The following CEP350 variants were observed in gnomAD, a reference collection of about 807,000 sequenced individuals.
CEP350 encodes centrosome-associated protein 350.
CEP350 carries 126 observed loss-of-function variants against 331.8 expected under a neutral mutation model. The observed-to-expected ratio is 0.38, with a 90% CI of 0.33 to 0.44. The LOEUF (loss-of-function observed/expected upper bound fraction) is 0.44. Ranked by LOEUF, CEP350 falls within the 20% of genes least tolerant of loss-of-function variation. The pLI is 1.00. For synonymous variants in CEP350, 1,200 were observed against 1,259.5 expected, an observed-to-expected ratio of 0.95 and a Z score of 1.00; for missense variants, 3,406 against 3,634.6, an observed-to-expected ratio of 0.94 and a Z score of 1.62.
chr1:179,998,312 T>TC (rs1653618098), intron 6 of CEP350, among the ~76,000 whole-genome samples: 1 of 143,142 alleles, frequency 7.0e-6, no homozygotes, highest in African/African-American at 2.8e-5. Context: ...TCTTTTTTTT[T>TC]TTTTTTTTTT....
chr1:180,105,094 C>G (rs1661070117), intron 37 of CEP350, among the ~76,000 whole-genome samples: 2 of 151,776 alleles, frequency 1.3e-5, no homozygotes, highest in African/African-American at 4.8e-5. Context: ...AAGGTTTTAC[C>G]TCATCCATGC....
At chr1:180,043,954 G>A (rs182166499) in intron 20 of CEP350, 97 bp from the exon 21 acceptor site, 2 of 1,049,254 alleles carry the variant, frequency 1.9e-6, no homozygotes, top group African/African-American at 1.6e-5. Flanking sequence ...ATATCTATTT[G>A]TTCAAGATTT....
intron 37 of CEP350, among the ~76,000 whole-genome samples, chr1:180,104,654 C>T (rs1661042974): frequency 6.6e-6 from 1 of 152,148 alleles, no homozygotes; most frequent in African/African-American, 2.4e-5. Context: ...TTCTCAGTCT[C>T]CCGCTCTTTA....
intron 31 of CEP350, chr1:180,085,514 C>T (rs1355861929): frequency 6.7e-6 from 1 of 150,316 alleles, no homozygotes; most frequent in Non-Finnish European, 1.5e-5. Context: ...CTCTGTTACA[C>T]ACATTCTGTT....
chr1:180,044,076 C>G lies in CEP350; in HGVS notation c.4525C>G (p.Gln1509Glu), dbSNP rs1219871966. The part of the protein sequence containing the change: ...DRKSPSVSLS[Q>E]SKEGTLDSKH... ...GAAAAGTCCATCTGTTTCACTCTCT[C>G]AGAGTAAAGAAGGGACCCTTGACTC... Residue 1509 changes from glutamine to glutamate, a missense_variant, in exon 21 of 38, where the codon CAG becomes GAG. Transcript: ENST00000367607. 2 of 1,551,310 alleles carry G rather than the reference C, an allele frequency of 1.3e-6. No individual in the cohort carries two copies. The highest frequency in any genetic ancestry group is 4.8e-5 in the East Asian group (2 of 41,712).
intron 1 of CEP350, among the ~76,000 whole-genome samples, chr1:179,974,591 C>T (rs1292103373): frequency 6.6e-6 from 1 of 152,150 alleles, no homozygotes; most frequent in Non-Finnish European, 1.5e-5. Context: ...GTGTGTCTCT[C>T]CTCTACTTGA....
At chr1:180,092,170 A>G (rs1310952670) in intron 33 of CEP350, among the ~76,000 whole-genome samples, 4 of 152,174 alleles carry the variant, frequency 2.6e-5, no homozygotes, top group Non-Finnish European at 4.4e-5. Flanking sequence ...TAGTTGATCT[A>G]TTTTCTTTTT....
At chr1:180,018,883 G>A (rs558130609) in intron 11 of CEP350, among the ~76,000 whole-genome samples, 1 of 135,474 alleles carries the variant, frequency 7.4e-6, no homozygotes, top group African/African-American at 2.7e-5. Context: ...TTCTGAGACA[G>A]TCTTACTGTG....
At chr1:180,105,882 A>G (rs928381513) in intron 37 of CEP350, among the ~76,000 whole-genome samples, 1 of 152,196 alleles carries the variant, frequency 6.6e-6, no homozygotes, top group Non-Finnish European at 1.5e-5. Context: ...CAATCTAACT[A>G]TATTTGTGTC....
At chr1:180,030,892 A>G (rs1245399037) in intron 14 of CEP350, among the ~76,000 whole-genome samples, 1 of 152,106 alleles carries the variant, frequency 6.6e-6, no homozygotes, top group East Asian at 1.9e-4. Context: ...TATTTTTATA[A>G]ATCAGGCTAC....
intron 31 of CEP350, 43 bp downstream of exon 31, chr1:180,084,221 G>A: frequency 6.8e-7 from 1 of 1,460,862 alleles, no homozygotes; most frequent in Non-Finnish European, 9.1e-7. Flanking sequence ...AGGCTAATGT[G>A]TATGTGACGT....
intron 33 of CEP350, among the ~76,000 whole-genome samples, chr1:180,091,784 C>G (rs1454140427): frequency 6.6e-6 from 1 of 151,210 alleles, no homozygotes; most frequent in Non-Finnish European, 1.5e-5. Context: ...GAGTTGTGAT[C>G]AGCCACTGCA....
At chr1:180,028,077 A>G (rs1468039389) in intron 14 of CEP350, among the ~76,000 whole-genome samples, 1 of 152,248 alleles carries the variant, frequency 6.6e-6, no homozygotes, top group Admixed American at 6.5e-5. Flanking sequence ...CTTGTGAAAT[A>G]CAAGTTTAGT....
chr1:180,057,337 G>T lies in CEP350; in HGVS notation c.5262+2835G>T, dbSNP rs550916524. 4.6e-5 allele frequency among the ~76,000 whole-genome samples: 7 copies of T among 151,884 alleles called. No homozygotes were observed. In the South Asian group the frequency reaches 1.5e-3, roughly 32 times the overall value. ...GCTGGTCTCGAGCCCCTGACCTCAG[G>T]TGATCCACCCACCTTGGCTTCCCAA... On this transcript the variant is annotated intron_variant, in intron 25 of 37. Transcript: ENST00000367607.
chr1:179,971,833 T>C (rs996340872), intron 1 of CEP350, among the ~76,000 whole-genome samples: 1 of 152,114 alleles, frequency 6.6e-6, no homozygotes, highest in African/African-American at 2.4e-5. Flanking sequence ...CATAAGAGAA[T>C]GAGAATAAAA....
chr1:180,068,753 G>A (rs1658701611), intron 27 of CEP350, among the ~76,000 whole-genome samples: 1 of 152,034 alleles, frequency 6.6e-6, no homozygotes, highest in Non-Finnish European at 1.5e-5. Flanking sequence ...ATTGTTTATT[G>A]ATTAATGTGT....
intron 37 of CEP350, 22 bp downstream of exon 37, chr1:180,099,007 G>C (rs545289556): frequency 6.3e-7 from 1 of 1,596,000 alleles, no homozygotes; most frequent in South Asian, 1.1e-5. Flanking sequence ...CAACCAAACT[G>C]TTTTTATTTT....
intron 37 of CEP350, among the ~76,000 whole-genome samples, chr1:180,102,389 G>A (rs1394782176): frequency 6.6e-6 from 1 of 152,112 alleles, no homozygotes; most frequent in Non-Finnish European, 1.5e-5. Context: ...ACCTGTCTCG[G>A]CCTCCCAAAG....
At chr1:179,990,374 A>G (rs773229173) in intron 3 of CEP350, 133 bp from the exon 4 acceptor site, 24 of 421,354 alleles carry the variant, frequency 5.7e-5, no homozygotes, top group Non-Finnish European at 8.9e-5. Context: ...ATATTATAAG[A>G]AAGGATTCCT....
Sources: gnomAD v4.1 joint callset for allele counts (sites outside exome capture counted in the v4.1 genomes callset) on GRCh38, gnomAD v4.1.1 for gene constraint, MANE v1.5 for transcripts, NCBI Gene and HGNC (gene_info 2026-07-23, HGNC 2026-07-21) for gene names.